The following SHISA9 variants were observed in gnomAD, a reference collection of about 807,000 sequenced individuals.
The protein encoded by SHISA9 is shisa family member 9, also known as protein shisa-9.
In SHISA9, 13 loss-of-function variants were observed where a neutral mutation model predicts 38.0. The observed-to-expected ratio is 0.34, with a 90% CI of 0.22 to 0.54. SHISA9 has a LOEUF of 0.54. Ranked by LOEUF, SHISA9 falls within the 20% of genes least tolerant of loss-of-function variation. SHISA9 has a pLI of 0.91. For missense variants in SHISA9, 538 were observed against 575.8 expected (o/e 0.93, Z 0.67); for synonymous variants, 275 against 242.0 (o/e 1.14, Z -1.27).
At chr16:13,064,878 G>T (rs1012022780) in intron 2 of SHISA9, among the ~76,000 whole-genome samples, 9 of 152,148 alleles carry the variant, frequency 5.9e-5, no homozygotes, top group African/African-American at 2.2e-4. Flanking sequence ...AAGGGAGAGG[G>T]TGAGACACTG....
the SHISA9 span, among the ~76,000 whole-genome samples, chr16:13,428,020 G>A: frequency 1.2e-4 from 19 of 152,258 alleles, no homozygotes; most frequent in East Asian, 2.7e-3. Context: ...AAAGAACTAC[G>A]AAAAATCTAA....
intron 2 of SHISA9, among the ~76,000 whole-genome samples, chr16:13,188,446 A>C (rs987412644): frequency 3.9e-5 from 6 of 152,202 alleles, no homozygotes; most frequent in African/African-American, 1.2e-4. Context: ...GGCTGGGCAC[A>C]ATGGCTTATG....
intron 2 of SHISA9, among the ~76,000 whole-genome samples, chr16:12,995,987 C>T (rs936131791): frequency 3.7e-4 from 57 of 152,104 alleles, no homozygotes; most frequent in African/African-American, 1.3e-3. Flanking sequence ...TTGCATAATT[C>T]CCTGGAAATT....
At chr16:13,368,699 C>T in the SHISA9 span, among the ~76,000 whole-genome samples, 2 of 149,144 alleles carry the variant, frequency 1.3e-5, no homozygotes, top group East Asian at 4.0e-4. Context: ...ACATAAAATG[C>T]ATTTGATTGG....
At chr16:13,191,712 G>A (rs1222968596) in intron 2 of SHISA9, among the ~76,000 whole-genome samples, 1 of 152,200 alleles carries the variant, frequency 6.6e-6, no homozygotes, top group Non-Finnish European at 1.5e-5. Context: ...GGATCGTGCT[G>A]TCTGTGGAGA....
the SHISA9 span, among the ~76,000 whole-genome samples, chr16:13,439,207 G>C: frequency 6.6e-6 from 1 of 152,182 alleles, no homozygotes; most frequent in Non-Finnish European, 1.5e-5. Flanking sequence ...ACAGTGAGTA[G>C]TTTCCAGGGG....
At chr16:13,283,065 G>A in the SHISA9 span, among the ~76,000 whole-genome samples, 2 of 151,922 alleles carry the variant, frequency 1.3e-5, no homozygotes, top group Non-Finnish European at 2.9e-5. Flanking sequence ...TATGGCTAGT[G>A]GGTTTTAATT....
At chr16:13,429,941 G>A in the SHISA9 span, among the ~76,000 whole-genome samples, 14,162 of 152,216 alleles carry the variant, frequency 0.093, 771 homozygotes, top group South Asian at 0.2. Context: ...ACTATATTAG[G>A]AGATTGAGTC....
the SHISA9 span, among the ~76,000 whole-genome samples, chr16:13,323,487 T>C: frequency 3.9e-5 from 6 of 152,230 alleles, no homozygotes; most frequent in Non-Finnish European, 8.8e-5. Context: ...GTTTGGATGT[T>C]TGGCTGTTTG....
the SHISA9 span, among the ~76,000 whole-genome samples, chr16:13,542,964 A>C: frequency 2.0e-5 from 3 of 152,182 alleles, no homozygotes; most frequent in Non-Finnish European, 4.4e-5. Flanking sequence ...TAGCAACTCC[A>C]ATAGTGATTT....
chr16:13,214,442 A>G (rs1467891325), intron 4 of SHISA9, among the ~76,000 whole-genome samples: 1 of 152,020 alleles, frequency 6.6e-6, no homozygotes, highest in East Asian at 1.9e-4. Flanking sequence ...CTGACCTCAG[A>G]TGACCCACCT....
intron 2 of SHISA9, among the ~76,000 whole-genome samples, chr16:12,941,388 A>T (rs1487646720): frequency 6.6e-6 from 1 of 152,058 alleles, no homozygotes; most frequent in Non-Finnish European, 1.5e-5. Flanking sequence ...AATGTTTTTG[A>T]TACATAATAG....
At chr16:13,198,613 A>G (rs886948980) in intron 2 of SHISA9, among the ~76,000 whole-genome samples, 2 of 152,116 alleles carry the variant, frequency 1.3e-5, no homozygotes, top group Non-Finnish European at 2.9e-5. Flanking sequence ...AGCTGAATAT[A>G]TTTGTGGAAA....
intron 2 of SHISA9, among the ~76,000 whole-genome samples, chr16:12,979,695 G>C (rs1214413087): frequency 6.6e-6 from 1 of 151,874 alleles, no homozygotes; most frequent in Non-Finnish European, 1.5e-5. Flanking sequence ...CACTTACTAA[G>C]ATTTATCTAT....
At chr16:13,262,662 A>AGGGAGGGAGGGAGGGAGGGAGGGAGGG in the SHISA9 span, among the ~76,000 whole-genome samples, 44 of 52,420 alleles carry the variant, frequency 8.4e-4, 6 homozygotes, top group African/African-American at 3.6e-3. Context: ...GGAAGGAAGG[A>AGGGAGGGAGGGAGGGAGGGAGGGAGGG]AGGAAGGAAG....
chr16:13,253,679 A>T, the SHISA9 span, among the ~76,000 whole-genome samples: 2 of 152,138 alleles, frequency 1.3e-5, no homozygotes, highest in African/African-American at 4.8e-5. Context: ...CTCCCACAAG[A>T]TCCCTCCCAC....
At chr16:12,977,690 C>T (rs1056793903) in intron 2 of SHISA9, among the ~76,000 whole-genome samples, 1 of 151,978 alleles carries the variant, frequency 6.6e-6, no homozygotes, top group Non-Finnish European at 1.5e-5. Context: ...AGCTGGAAGC[C>T]ATTATCCTCA....
At chr16:13,254,982 G>A in the SHISA9 span, among the ~76,000 whole-genome samples, 1 of 152,160 alleles carries the variant, frequency 6.6e-6, no homozygotes, top group Admixed American at 6.5e-5. Context: ...CCTCCCAGGA[G>A]GAGCTTCTTT....
intron 2 of SHISA9, among the ~76,000 whole-genome samples, chr16:12,939,533 G>A (rs997978299): frequency 1.3e-5 from 2 of 152,186 alleles, no homozygotes; most frequent in African/African-American, 4.8e-5. Context: ...ATGAGAATGA[G>A]CGTGGACCAT....
Sources: gnomAD v4.1 joint callset for allele counts (sites outside exome capture counted in the v4.1 genomes callset) on GRCh38, gnomAD v4.1.1 for gene constraint, MANE v1.5 for transcripts, NCBI Gene and HGNC (gene_info 2026-07-23, HGNC 2026-07-21) for gene names.